IPP: variants seen among roughly 807,000 people sequenced by gnomAD.
The protein encoded by IPP is actin-binding protein IPP.
IPP carries 41 observed loss-of-function variants against 64.1 expected under a neutral mutation model. The ratio of observed to expected loss-of-function variants is 0.64; its 90% confidence interval spans 0.50 to 0.83. The LOEUF is 0.83. IPP is among the 40% of genes least tolerant of loss of function. The pLI is 0.00. For synonymous variants in IPP, 214 were observed against 235.2 expected (o/e 0.91, Z 0.83); for missense variants, 649 against 703.0 (o/e 0.92, Z 0.87).
chr1:45,748,449 CTTGAGTCCAGGAGT>C (rs1225772871), intron 1 of IPP, among the ~76,000 whole-genome samples: 1 of 152,130 alleles, frequency 6.6e-6, no homozygotes, highest in Admixed American at 6.5e-5. Context: ...AGGCAGATCG[CTTGAGTCCAGGAGT>C]TTGAGACCAG....
intron 8 of IPP, among the ~76,000 whole-genome samples, chr1:45,709,265 C>G (rs1645557711): frequency 6.7e-6 from 1 of 149,374 alleles, no homozygotes; most frequent in Non-Finnish European, 1.5e-5. Flanking sequence ...AACCCCGTCT[C>G]TACTAAAAAT....
At chr1:45,721,739 C>A (rs1368545844) in intron 5 of IPP, among the ~76,000 whole-genome samples, 1 of 152,176 alleles carries the variant, frequency 6.6e-6, no homozygotes, top group African/African-American at 2.4e-5. Flanking sequence ...TTTTAAAATG[C>A]ACTAAGTATC....
intron 8 of IPP, among the ~76,000 whole-genome samples, chr1:45,708,783 G>A (rs1022391471): frequency 1.3e-5 from 2 of 151,016 alleles, no homozygotes; most frequent in Non-Finnish European, 2.9e-5. Flanking sequence ...TGTAATCCCA[G>A]CACTTTGGGA....
At chr1:45,724,508 G>A (rs1347807640) in intron 5 of IPP, among the ~76,000 whole-genome samples, 1 of 150,704 alleles carries the variant, frequency 6.6e-6, no homozygotes, top group East Asian at 2.0e-4. Context: ...GTCTCTGCCC[G>A]GCCGCCATCC....
chr1:45,740,200 G>T (rs1217787577), intron 3 of IPP, among the ~76,000 whole-genome samples: 1 of 152,156 alleles, frequency 6.6e-6, no homozygotes, highest in African/African-American at 2.4e-5. Flanking sequence ...AGAACAAAAT[G>T]AAAAGTCTCC....
rs777140233 is a variant in IPP at position 45,699,876 on chromosome 1, A to C, written c.*90T>G. The C allele has an allele frequency of 9.1e-6, 14 of 1,543,486 alleles. No homozygotes were observed. The highest frequency in any genetic ancestry group is 1.1e-5 in the Non-Finnish European group (13 of 1,147,616). ...ATACATGGAAAACTCACAGAATCAG[A>C]GGGTCTTATCACCAAATCTATGTTT... On this transcript the variant is annotated 3_prime_UTR_variant, in exon 9 of 9. Transcript: ENST00000396478.
In IPP at chr1:45,740,930, G is replaced by T; in HGVS notation, c.695C>A (p.Pro232His). 6.2e-7 allele frequency: 1 copy of T among 1,604,990 alleles called. No individual in the cohort carries two copies. Among genetic ancestry groups the T allele is most frequent in the Non-Finnish European group, 8.5e-7 (1 of 1,176,918 alleles). Reference sequence around the variant, plus strand: ...TATATACTTTAAAAGTCTCTGAGGAGGTAATAAAGGGAATCGAATTGGGTC... The same window carrying T: ...TATATACTTTAAAAGTCTCTGAGGATGTAATAAAGGGAATCGAATTGGGTC... ...VLDPIRFPLL[P>H]PQRLLKYIEG... The change falls in exon 3 of 9, where the codon CCT (proline) becomes CAT (histidine). Residue 232 changes from proline (P) to histidine (H), a missense_variant. Coordinates refer to ENST00000396478, the MANE Select transcript of IPP (RefSeq NM_005897.3).
At chr1:45,724,104 G>A (rs898249111) in intron 5 of IPP, among the ~76,000 whole-genome samples, 21 of 151,296 alleles carry the variant, frequency 1.4e-4, no homozygotes, top group East Asian at 5.9e-4. Flanking sequence ...GCCTCAGCCT[G>A]CCGAGCGCCT....
chr1:45,707,108 C>T (rs184413686), intron 8 of IPP, among the ~76,000 whole-genome samples: 20 of 152,278 alleles, frequency 1.3e-4, no homozygotes, highest in African/African-American at 4.8e-4. Flanking sequence ...CATATCCAAA[C>T]ATGACAGAGA....
intron 3 of IPP, among the ~76,000 whole-genome samples, chr1:45,736,127 A>AT (rs1164795942): frequency 3.4e-5 from 5 of 148,982 alleles, no homozygotes; most frequent in East Asian, 2.0e-4. Context: ...AAAAAAAAAA[A>AT]TTTTTTTTTG....
chr1:45,732,508 C>T (rs931970333), intron 3 of IPP, among the ~76,000 whole-genome samples: 1 of 151,620 alleles, frequency 6.6e-6, no homozygotes, highest in Non-Finnish European at 1.5e-5. Context: ...ATAGATATGA[C>T]TGAAAATCAA....
In IPP at chr1:45,712,563, AAAG is replaced by A. The variant is rs1424189636; in HGVS notation, c.1530+1680_1530+1682del. Among the ~76,000 whole-genome samples the A allele has an allele frequency of 2.0e-5, 3 of 152,014 alleles. No homozygotes were observed. In the East Asian group the frequency reaches 5.8e-4, roughly 29 times the overall value. On this transcript the variant is annotated intron_variant, in intron 8 of 8. Coordinates refer to ENST00000396478, the MANE Select transcript of IPP (RefSeq NM_005897.3). ...CAAGAAATTACCAGAAAAATTTAAA[AAAG>A]AAAAAAAAGGCCGGGCACGGTGGGC... is the stretch of plus-strand genomic sequence containing the variant.
intron 5 of IPP, among the ~76,000 whole-genome samples, chr1:45,721,969 T>G (rs994173396): frequency 6.6e-6 from 1 of 152,116 alleles, no homozygotes; most frequent in Non-Finnish European, 1.5e-5. Context: ...CTTGGGAGGC[T>G]GAGGCAGGAG....
chr1:45,699,408 A>G lies in IPP; in HGVS notation c.*558T>C, dbSNP rs1645419259. The G allele has an allele frequency of 4.1e-6, 4 of 985,410 alleles. No homozygotes were observed. Among genetic ancestry groups the G allele is most frequent in the Non-Finnish European group, 4.8e-6 (4 of 829,712 alleles). The allele number at this position is 985,410 out of a possible 1,614,324, so 61.0% of individuals were successfully genotyped here. On this transcript the variant is annotated 3_prime_UTR_variant, in exon 9 of 9. Transcript: ENST00000396478. The stretch of plus-strand genomic sequence containing the variant: ...ACTGTGTCATTGACACTATTCCTAT[A>G]TCACATAAAGTTTTATGTTACAATT...
At chr1:45,695,001 T>TAG (rs1177425721), downstream of IPP, 1 of 153,314 alleles carries the variant, frequency 6.5e-6, no homozygotes, top group Non-Finnish European at 1.5e-5. Flanking sequence ...TTCTCCTGCC[T>TAG]CAGCATCTCT....
At chr1:45,708,536 A>G (rs1038129091) in intron 8 of IPP, among the ~76,000 whole-genome samples, 2 of 150,046 alleles carry the variant, frequency 1.3e-5, no homozygotes, top group Admixed American at 6.6e-5. Flanking sequence ...AAAATTAACC[A>G]AGTGTGGTGG....
rs1339649642 is a variant in IPP at position 45,725,951 on chromosome 1, C to T, written c.1048+1680G>A. On this transcript the variant is annotated intron_variant, in intron 5 of 8. Coordinates refer to ENST00000396478, the MANE Select transcript of IPP (RefSeq NM_005897.3). ...CAAGTACCCAGGGACACAAACACTG[C>T]GGAAGGCCGCAGGGTCCTCTGCCTA... Among the ~76,000 whole-genome samples, 328 of 119,858 alleles carry T rather than the reference C, an allele frequency of 2.7e-3. 2 individuals carry two copies. Among genetic ancestry groups the T allele is most frequent in the African/African-American group, 8.9e-3 (306 of 34,270 alleles). The allele number at this position is 119,858 out of a possible 152,430, so 78.6% of individuals were successfully genotyped here.
chr1:45,742,794 TC>T (rs1319609908), intron 2 of IPP, among the ~76,000 whole-genome samples: 1 of 152,004 alleles, frequency 6.6e-6, no homozygotes, highest in Non-Finnish European at 1.5e-5. Flanking sequence ...CACCTCAGCC[TC>T]CCAAAGTGCA....
rs1470617161 is a variant in IPP, at chr1:45,741,048, T to A, written c.577A>T (p.Ser193Cys). 6.2e-7 allele frequency: 1 copy of A among 1,614,104 alleles called. No homozygotes were observed. The highest frequency in any genetic ancestry group is 8.5e-7 in the Non-Finnish European group (1 of 1,179,956). ...AAGACCTGGTATTCATCCTCAATGC[T>A]AAGCTCTTCACTTCGCAAAATTTTG... ...LIKILRSEELSIEDEYQVFLA... is the reference protein window; with the variant it reads ...LIKILRSEELCIEDEYQVFLA... The change falls in exon 3 of 9, where the codon AGC (serine) becomes TGC (cysteine). Residue 193 changes from serine to cysteine, a missense_variant. Coordinates refer to ENST00000396478, the MANE Select transcript of IPP (RefSeq NM_005897.3).
Sources: allele counts gnomAD v4.1 joint callset (sites outside exome capture counted in the v4.1 genomes callset), GRCh38; gene constraint gnomAD v4.1.1; transcripts MANE v1.5; gene names NCBI Gene and HGNC (gene_info 2026-07-23, HGNC 2026-07-21).